Variants in CEP85L observed in about 807,000 individuals in gnomAD.
The protein encoded by CEP85L is centrosomal protein 85L, also known as centrosomal protein of 85 kDa-like.
A neutral mutation model predicts 100.3 loss-of-function variants in CEP85L; 60 were observed. The observed-to-expected ratio is 0.60, with a 90% confidence interval of 0.49 to 0.74. CEP85L has a LOEUF of 0.74. Ranked by LOEUF, CEP85L falls within the 30% of genes least tolerant of loss-of-function variation. The pLI, the probability that CEP85L is intolerant of heterozygous loss-of-function variation, is 0.00. For missense variants in CEP85L, 973 were observed against 936.2 expected (o/e 1.04, Z -0.51); for synonymous variants, 319 against 322.7 (o/e 0.99, Z 0.12).
chr6:118,564,776 A>G (rs930071576), intron 3 of CEP85L, among the ~76,000 whole-genome samples: 2 of 152,210 alleles, frequency 1.3e-5, no homozygotes, highest in Admixed American at 6.5e-5. Context: ...TCTGATGATA[A>G]AAAACAGATG....
intron 3 of CEP85L, among the ~76,000 whole-genome samples, chr6:118,554,590 ACTATCAGT>A (rs1407945705): frequency 6.6e-6 from 1 of 152,232 alleles, no homozygotes; most frequent in Non-Finnish European, 1.5e-5. Context: ...TACTTCAGAA[ACTATCAGT>A]CTAGCTGGGG....
intron 3 of CEP85L, 141 bp from the exon 4 acceptor site, chr6:118,524,061 G>T: frequency 2.5e-6 from 1 of 405,476 alleles, no homozygotes; most frequent in Non-Finnish European, 4.2e-6. Flanking sequence ...ATCACACTAT[G>T]AATACAACAT....
rs1429934842 is a variant in CEP85L, at chr6:118,462,806, G to A, written c.*2599C>T. ...GAAGAGGATATTCTAATACAAGAGG[G>A]TGTCCTGGGAAAGGAAAATTTTCTG... On this transcript the variant is annotated 3_prime_UTR_variant, in exon 13 of 13. Coordinates refer to ENST00000368491, the MANE Select transcript of CEP85L (RefSeq NM_001042475.3). The A allele has an allele frequency of 6.6e-6, 1 of 151,862 alleles. No individual in the cohort carries two copies. Among genetic ancestry groups the A allele is most frequent in the Non-Finnish European group, 1.5e-5 (1 of 67,862 alleles). The allele number at this position is 151,862 out of a possible 1,614,324, so 9.4% of individuals were successfully genotyped here.
intron 1 of CEP85L, among the ~76,000 whole-genome samples, chr6:118,650,149 T>C (rs1374070102): frequency 2.0e-5 from 3 of 152,178 alleles, no homozygotes; most frequent in Non-Finnish European, 4.4e-5. Context: ...TCAAACACTT[T>C]GTGGAGCAAG....
At chr6:118,614,270 A>T (rs947776850) in intron 2 of CEP85L, among the ~76,000 whole-genome samples, 1 of 152,218 alleles carries the variant, frequency 6.6e-6, no homozygotes, top group Admixed American at 6.5e-5. Context: ...CAGCTATACT[A>T]CTGCTACTTA....
At chr6:118,680,136 T>A (rs1181371350) in intron 1 of CEP85L, among the ~76,000 whole-genome samples, 1 of 151,544 alleles carries the variant, frequency 6.6e-6, no homozygotes, top group African/African-American at 2.4e-5. Flanking sequence ...CAAAAAAAAA[T>A]TTAAAAGTAT....
intron 6 of CEP85L, among the ~76,000 whole-genome samples, chr6:118,490,258 G>C (rs1462189429): frequency 6.6e-6 from 1 of 152,136 alleles, no homozygotes; most frequent in African/African-American, 2.4e-5. Context: ...ATAAGTGCTA[G>C]AGATCTGCTG....
intron 3 of CEP85L, chr6:118,559,782 G>C (rs1779116084): frequency 6.0e-6 from 1 of 167,684 alleles, no homozygotes; most frequent in Non-Finnish European, 1.5e-5. Flanking sequence ...AGTACATGTA[G>C]GTAAATCATA....
At chr6:118,482,032 TAA>T (rs35791512) in intron 7 of CEP85L, 99 bp from the exon 8 acceptor site, 55,398 of 352,166 alleles carry the variant, frequency 0.16, 24 homozygotes, top group Middle Eastern at 0.2. Flanking sequence ...GACTTGTAGC[TAA>T]AAAAAAAAAA....
chr6:118,613,060 T>G (rs902983057), intron 2 of CEP85L, among the ~76,000 whole-genome samples: 1 of 150,846 alleles, frequency 6.6e-6, no homozygotes, highest in African/African-American at 2.4e-5. Flanking sequence ...CTACTAAAAA[T>G]ACAAAAATTA....
At chr6:118,675,737 AC>A (rs1215633300) in intron 1 of CEP85L, among the ~76,000 whole-genome samples, 1 of 152,132 alleles carries the variant, frequency 6.6e-6, no homozygotes, top group Non-Finnish European at 1.5e-5. Flanking sequence ...CCCCAAGGCA[AC>A]CCAGTAAGAC....
At chr6:118,526,482 A>G (rs912207007) in intron 3 of CEP85L, among the ~76,000 whole-genome samples, 8 of 152,170 alleles carry the variant, frequency 5.3e-5, no homozygotes, top group African/African-American at 1.9e-4. Context: ...CTACAATCTT[A>G]TTTATACTTA....
chr6:118,594,286 T>C (rs1186987191), intron 2 of CEP85L, among the ~76,000 whole-genome samples: 1 of 152,228 alleles, frequency 6.6e-6, no homozygotes, highest in African/African-American at 2.4e-5. Context: ...ATAACTTGTT[T>C]CTTCCTTTCT....
intron 2 of CEP85L, among the ~76,000 whole-genome samples, chr6:118,605,005 C>T (rs781348865): frequency 7.2e-5 from 11 of 152,224 alleles, no homozygotes; most frequent in African/African-American, 2.2e-4. Flanking sequence ...TATACATAAA[C>T]ATACAACACA....
At chr6:118,568,569 A>G (rs1432531594) in intron 2 of CEP85L, among the ~76,000 whole-genome samples, 1 of 152,232 alleles carries the variant, frequency 6.6e-6, no homozygotes, top group African/African-American at 2.4e-5. Context: ...CGCTCTGCTA[A>G]GTAAAGAGCC....
At chr6:118,669,196 T>C (rs892617265) in intron 1 of CEP85L, among the ~76,000 whole-genome samples, 6 of 152,220 alleles carry the variant, frequency 3.9e-5, no homozygotes, top group African/African-American at 1.4e-4. Flanking sequence ...TAGGGCTCCA[T>C]GTCTGTCAGG....
chr6:118,488,254 G>C (rs2114583795), intron 6 of CEP85L, among the ~76,000 whole-genome samples: 1 of 152,134 alleles, frequency 6.6e-6, no homozygotes, highest in Middle Eastern at 3.4e-3. Flanking sequence ...TGATTTGCCT[G>C]AAAGAGAATT....
intron 1 of CEP85L, among the ~76,000 whole-genome samples, chr6:118,658,150 T>C (rs1336840860): frequency 2.6e-5 from 4 of 152,168 alleles, no homozygotes; most frequent in Admixed American, 2.6e-4. Context: ...AACAAGTTAT[T>C]ATAATAAACT....
chr6:118,691,504 G>T (rs1777042609), intron 1 of CEP85L, among the ~76,000 whole-genome samples: 1 of 147,672 alleles, frequency 6.8e-6, no homozygotes, highest in African/African-American at 2.5e-5. Flanking sequence ...TTGCACTCTA[G>T]CCTGGGCAAC....
Sources: allele counts gnomAD v4.1 joint callset (sites outside exome capture counted in the v4.1 genomes callset), GRCh38; gene constraint gnomAD v4.1.1; transcripts MANE v1.5; gene names NCBI Gene and HGNC (gene_info 2026-07-23, HGNC 2026-07-21).